DCDC1: variants seen among roughly 807,000 people sequenced by gnomAD.
DCDC1 encodes the protein doublecortin domain-containing protein 1.
In DCDC1, 200 loss-of-function variants were observed where a neutral mutation model predicts 178.3. The ratio of observed to expected loss-of-function variants is 1.12; its 90% CI spans 1.00 to 1.26. DCDC1 has a LOEUF of 1.26. Ranked by LOEUF, DCDC1 falls within the 50% of genes most tolerant of loss-of-function variation. The probability of loss-of-function intolerance (pLI) is 0.00; values close to 1 mark genes in which losing one functional copy is unlikely to be tolerated. For missense variants in DCDC1, 1,983 were observed against 1,749.2 expected (o/e 1.13, Z -2.38); for synonymous variants, 690 against 604.8 (o/e 1.14, Z -2.07).
intron 38 of DCDC1, among the ~76,000 whole-genome samples, chr11:30,873,337 GTATATACA>G (rs1204442240): frequency 0.019 from 2,672 of 138,242 alleles, 91 homozygotes; most frequent in African/African-American, 0.07. Context: ...AAATGTGTGT[GTATATACA>G]TATATATATA....
intron 20 of DCDC1, among the ~76,000 whole-genome samples, chr11:30,996,330 T>G (rs1951267534): frequency 6.6e-6 from 1 of 152,298 alleles, no homozygotes; most frequent in South Asian, 2.1e-4. Context: ...CTTTCATTCA[T>G]TTTTGATGAG....
intron 17 of DCDC1, among the ~76,000 whole-genome samples, chr11:31,079,891 G>A (rs541911035): frequency 6.6e-6 from 1 of 152,264 alleles, no homozygotes; most frequent in South Asian, 2.1e-4. Context: ...AAAATGAAAT[G>A]AGAATGGAGC....
At chr11:31,269,617 C>T (rs1945410383) in intron 7 of DCDC1, among the ~76,000 whole-genome samples, 1 of 152,012 alleles carries the variant, frequency 6.6e-6, no homozygotes, top group Non-Finnish European at 1.5e-5. Flanking sequence ...GACCCCTGGT[C>T]TCAACTGATC....
At chr11:30,879,557 C>T (rs1302718760) in intron 37 of DCDC1, among the ~76,000 whole-genome samples, 4 of 152,124 alleles carry the variant, frequency 2.6e-5, no homozygotes, top group Non-Finnish European at 5.9e-5. Context: ...ATGAAGGTAA[C>T]ATGGGGAACC....
Position 31,102,361 on chromosome 11 carries a change from A to G in DCDC1, c.1878-79T>C, listed in dbSNP as rs937849105. The G allele has an allele frequency of 7.2e-6, 4 of 558,676 alleles. No individual in the cohort carries two copies. The African/African-American group carries it at 7.4e-5, about 10-fold the overall frequency. The allele number at this position is 558,676 out of a possible 1,614,324, so 34.6% of individuals were successfully genotyped here. A position where few individuals can be genotyped will look rare whatever the true frequency, so the allele number is the denominator to read the frequency against. On this transcript the variant is annotated intron_variant, in intron 14 of 38. Coordinates refer to ENST00000684477, the MANE Select transcript of DCDC1 (RefSeq NM_001387274.1). Reference sequence around the variant, plus strand: ...ACAATGCCCTTTACTCTTTAATTATAATACTCTTTATGCTTTATGTATACT... The same window carrying G: ...ACAATGCCCTTTACTCTTTAATTATGATACTCTTTATGCTTTATGTATACT...
intron 20 of DCDC1, among the ~76,000 whole-genome samples, chr11:31,036,281 G>C (rs925456421): frequency 6.6e-6 from 1 of 152,134 alleles, no homozygotes; most frequent in East Asian, 1.9e-4. Context: ...CTTGAGAAAG[G>C]CAAAAACTGT....
At chr11:31,341,325 C>T (rs1950526605) in intron 1 of DCDC1, among the ~76,000 whole-genome samples, 1 of 151,968 alleles carries the variant, frequency 6.6e-6, no homozygotes, top group South Asian at 2.1e-4. Context: ...CCAATTCACC[C>T]TGCGAGTAGA....
intron 1 of DCDC1, among the ~76,000 whole-genome samples, chr11:31,349,156 T>C (rs1370120245): frequency 6.6e-6 from 1 of 152,196 alleles, no homozygotes; most frequent in Admixed American, 6.5e-5. Flanking sequence ...GACAAACTAA[T>C]ATCCTACGGT....
chr11:31,224,088 C>G (rs894465993), intron 9 of DCDC1, among the ~76,000 whole-genome samples: 5 of 152,026 alleles, frequency 3.3e-5, no homozygotes, highest in African/African-American at 1.2e-4. Flanking sequence ...TTGCTGCCAC[C>G]ATGTAAGAAG....
intron 20 of DCDC1, among the ~76,000 whole-genome samples, chr11:31,020,924 A>G (rs933905015): frequency 6.6e-6 from 1 of 152,254 alleles, no homozygotes; most frequent in African/African-American, 2.4e-5. Context: ...ATAAGAAAAT[A>G]CTGAAATCCC....
chr11:31,358,978 T>C (rs914516149), intron 1 of DCDC1, among the ~76,000 whole-genome samples: 1 of 152,218 alleles, frequency 6.6e-6, no homozygotes, highest in African/African-American at 2.4e-5. Context: ...ACTATTACAC[T>C]GTTGGTGGGA....
intron 3 of DCDC1, among the ~76,000 whole-genome samples, chr11:31,325,802 G>A (rs1949613657): frequency 6.6e-6 from 1 of 152,010 alleles, no homozygotes; most frequent in South Asian, 2.1e-4. Context: ...AAAACAAATT[G>A]ACTATATTTT....
In DCDC1 at chr11:31,264,187, T is replaced by G. The variant is rs530841667; in HGVS notation, c.1054+1320A>C. ...CTTACTACTGGTATTACAACAAAGA[T>G]AGTGTCTCTTCTTGCCCTCTTTTAT... On this transcript the variant is annotated intron_variant, in intron 8 of 38. Coordinates refer to ENST00000684477, the MANE Select transcript of DCDC1 (RefSeq NM_001387274.1). Among the ~76,000 whole-genome samples the G allele has an allele frequency of 7.9e-5, 12 of 152,272 alleles. No homozygotes were observed. In the South Asian group the frequency reaches 2.5e-3, roughly 32 times the overall value.
intron 17 of DCDC1, among the ~76,000 whole-genome samples, chr11:31,089,875 C>A (rs891334768): frequency 1.3e-5 from 2 of 152,110 alleles, no homozygotes; most frequent in Non-Finnish European, 2.9e-5. Flanking sequence ...GCTTTAATGT[C>A]CCATCCAGTA....
intron 20 of DCDC1, among the ~76,000 whole-genome samples, chr11:30,989,002 G>C (rs111491092): frequency 6.6e-6 from 1 of 152,162 alleles, no homozygotes; most frequent in Non-Finnish European, 1.5e-5. Context: ...ACAGATTTGG[G>C]AATCACTGAT....
chr11:30,973,955 T>A (rs1949958420), intron 20 of DCDC1, among the ~76,000 whole-genome samples: 1 of 151,800 alleles, frequency 6.6e-6, no homozygotes, highest in South Asian at 2.1e-4. Context: ...CATCAGTACA[T>A]GGAACATTCT....
At chr11:31,220,069 A>C (rs1974069188) in intron 9 of DCDC1, among the ~76,000 whole-genome samples, 1 of 152,198 alleles carries the variant, frequency 6.6e-6, no homozygotes, top group East Asian at 1.9e-4. Flanking sequence ...GTGAACAGAA[A>C]AAGAGAAGAT....
chr11:31,197,657 C>G (rs1159893912), intron 9 of DCDC1, among the ~76,000 whole-genome samples: 1 of 152,064 alleles, frequency 6.6e-6, no homozygotes, highest in Admixed American at 6.6e-5. Flanking sequence ...CCATCTGTTA[C>G]TACTGGAGGA....
chr11:30,927,384 A>AAAAG (rs771773504), intron 22 of DCDC1, among the ~76,000 whole-genome samples: 2 of 152,178 alleles, frequency 1.3e-5, no homozygotes, highest in Non-Finnish European at 2.9e-5. Context: ...AAAAAAGAAA[A>AAAAG]AAAGAAAGAA....
Sources: gnomAD v4.1 joint callset for allele counts (sites outside exome capture counted in the v4.1 genomes callset) on GRCh38, gnomAD v4.1.1 for gene constraint, MANE v1.5 for transcripts, NCBI Gene and HGNC (gene_info 2026-07-23, HGNC 2026-07-21) for gene names.